The following ICA1 variants were observed in gnomAD, a reference collection of about 807,000 sequenced individuals.
The protein encoded by ICA1 is islet cell autoantigen 1.
A neutral mutation model predicts 71.0 loss-of-function variants in ICA1; 40 were observed. That is an observed-to-expected ratio of 0.56 (90% CI 0.44 to 0.73). The LOEUF (loss-of-function observed/expected upper bound fraction) is 0.73, where lower values mean the gene tolerates loss of function less well. ICA1 is among the 30% of genes least tolerant of loss of function. The pLI is 0.00. For missense variants in ICA1, 578 were observed against 576.5 expected (o/e 1.00, Z -0.03); for synonymous variants, 207 against 209.5 (o/e 0.99, Z 0.10).
intron 6 of ICA1, among the ~76,000 whole-genome samples, chr7:8,203,747 G>A (rs1341153948): frequency 1.3e-5 from 2 of 152,120 alleles, no homozygotes; most frequent in Admixed American, 6.5e-5. Flanking sequence ...TTTGCTGTAG[G>A]GCTTCTGCTA....
chr7:8,244,448 A>G (rs1287061742), intron 1 of ICA1, among the ~76,000 whole-genome samples: 1 of 152,248 alleles, frequency 6.6e-6, no homozygotes, highest in Non-Finnish European at 1.5e-5. Flanking sequence ...CTACAACCAT[A>G]AAAACCCTAG....
chr7:8,238,902 C>T (rs909729920), intron 1 of ICA1, among the ~76,000 whole-genome samples: 1 of 152,120 alleles, frequency 6.6e-6, no homozygotes, highest in African/African-American at 2.4e-5. Context: ...AGTGAAATAG[C>T]ATCTCTGAGA....
At chr7:8,246,065 C>A (rs1399593147) in intron 1 of ICA1, among the ~76,000 whole-genome samples, 1 of 152,228 alleles carries the variant, frequency 6.6e-6, no homozygotes, top group South Asian at 2.1e-4. Flanking sequence ...CCTTATGAAA[C>A]AAGCCCAGAA....
At position 8,235,962 on chromosome 7, in the gene ICA1, G is replaced by A. The variant is rs770463595; in HGVS notation, c.-36C>T. On this transcript the variant is annotated 5_prime_UTR_variant, in exon 2 of 14. Coordinates refer to ENST00000402384, the MANE Select transcript of ICA1 (RefSeq NM_001136020.3). ...TCTTCTATTGTTGATGATTTGGGGA[G>A]AAGGGGCAGGAAAAAAGCATGAGAG... is the stretch of plus-strand genomic sequence containing the variant. 8 of 1,607,098 alleles carry A rather than the reference G, an allele frequency of 5.0e-6. No individual in the cohort carries two copies. Among genetic ancestry groups the A allele is most frequent in the Non-Finnish European group, 6.0e-6 (7 of 1,176,056 alleles).
At chr7:8,211,310 T>TC (rs1428043763) in intron 6 of ICA1, among the ~76,000 whole-genome samples, 1 of 152,210 alleles carries the variant, frequency 6.6e-6, no homozygotes. Flanking sequence ...CCCTGCTAAG[T>TC]ACCTCCTGTG....
chr7:8,214,429 C>A (rs1451572439), intron 6 of ICA1, among the ~76,000 whole-genome samples: 1 of 152,226 alleles, frequency 6.6e-6, no homozygotes. Context: ...GGGTGAATCA[C>A]GCTGTCAGGA....
chr7:8,115,899 G>C (rs1162026829), intron 13 of ICA1, among the ~76,000 whole-genome samples: 2 of 152,214 alleles, frequency 1.3e-5, no homozygotes, highest in East Asian at 3.8e-4. Flanking sequence ...GCCCTATTTG[G>C]TGGTGGCAAT....
At chr7:8,158,422 A>G in intron 7 of ICA1, 105 bp downstream of exon 7, 1 of 1,428,606 alleles carries the variant, frequency 7.0e-7, no homozygotes, top group Non-Finnish European at 9.6e-7. Flanking sequence ...AAAGGCATTC[A>G]GAACTTCACA....
chr7:8,151,354 C>T (rs1165687321), intron 8 of ICA1, among the ~76,000 whole-genome samples: 1 of 152,194 alleles, frequency 6.6e-6, no homozygotes, highest in Non-Finnish European at 1.5e-5. Flanking sequence ...TGACAAGCCA[C>T]ACTCCGGCTC....
chr7:8,219,334 A>C (rs968507035), intron 5 of ICA1, among the ~76,000 whole-genome samples: 2 of 152,264 alleles, frequency 1.3e-5, no homozygotes, highest in African/African-American at 4.8e-5. Context: ...TTCAGGGCAC[A>C]GGTGCCAAAA....
intron 6 of ICA1, among the ~76,000 whole-genome samples, chr7:8,213,461 A>G (rs535457338): frequency 6.6e-6 from 1 of 152,330 alleles, no homozygotes; most frequent in East Asian, 1.9e-4. Flanking sequence ...AGTAAAGCAG[A>G]AACTGGTTTA....
chr7:8,174,951 T>C (rs1235476807), intron 6 of ICA1, among the ~76,000 whole-genome samples: 3 of 151,586 alleles, frequency 2.0e-5, no homozygotes, highest in Non-Finnish European at 2.9e-5. Flanking sequence ...CAGGGAGAAA[T>C]ACACGTTCCA....
intron 1 of ICA1, among the ~76,000 whole-genome samples, chr7:8,242,053 G>GCA (rs769275828): frequency 3.3e-5 from 5 of 152,134 alleles, no homozygotes; most frequent in Non-Finnish European, 7.4e-5. Context: ...ACTCAGCTCT[G>GCA]CACCAAGCAG....
At chr7:8,134,573 T>C (rs1792670786) in intron 12 of ICA1, among the ~76,000 whole-genome samples, 1 of 152,050 alleles carries the variant, frequency 6.6e-6, no homozygotes, top group Non-Finnish European at 1.5e-5. Context: ...TTATGACTAA[T>C]CGTAAAGGCC....
intron 7 of ICA1, 35 bp downstream of exon 7, chr7:8,158,491 AT>A (rs769979445): frequency 6.2e-7 from 1 of 1,611,788 alleles, no homozygotes; most frequent in Non-Finnish European, 8.5e-7. Context: ...ACCTTGTGCC[AT>A]CCTTGGTTCA....
intron 13 of ICA1, among the ~76,000 whole-genome samples, chr7:8,127,376 C>A (rs1789651978): frequency 6.6e-6 from 1 of 151,864 alleles, no homozygotes; most frequent in Admixed American, 6.6e-5. Flanking sequence ...TCGGGCAGAA[C>A]CAGAAGAGTG....
Position 8,122,985 on chromosome 7 carries a change from C to T in ICA1, c.1330+4888G>A, listed in dbSNP as rs537394290. 5.3e-5 allele frequency among the ~76,000 whole-genome samples: 8 copies of T among 152,302 alleles called. No homozygotes were observed. The South Asian group carries it at 1.4e-3, about 28-fold the overall frequency. ...GAACATCGACTCTGAGGCCTCTCAGCATTGCCTGTCTCCAGCTCAGGTGGC... is the reference window on the plus strand; with the variant it reads ...GAACATCGACTCTGAGGCCTCTCAGTATTGCCTGTCTCCAGCTCAGGTGGC... On this transcript the variant is annotated intron_variant, in intron 13 of 13. Coordinates refer to ENST00000402384, the MANE Select transcript of ICA1 (RefSeq NM_001136020.3).
At chr7:8,146,174 C>T (rs893651676) in intron 8 of ICA1, among the ~76,000 whole-genome samples, 2 of 152,086 alleles carry the variant, frequency 1.3e-5, no homozygotes, top group Admixed American at 6.6e-5. Context: ...TATTAGCTAG[C>T]GATGGGTCTA....
At chr7:8,181,460 T>C (rs189347863) in intron 6 of ICA1, among the ~76,000 whole-genome samples, 1 of 152,318 alleles carries the variant, frequency 6.6e-6, no homozygotes, top group Admixed American at 6.5e-5. Flanking sequence ...CTGGCTATTC[T>C]ATGCCCTTTG....
Sources: allele counts gnomAD v4.1 joint callset (sites outside exome capture counted in the v4.1 genomes callset), GRCh38; gene constraint gnomAD v4.1.1; transcripts MANE v1.5; gene names NCBI Gene and HGNC (gene_info 2026-07-23, HGNC 2026-07-21).